NDRG3: variants seen among roughly 807,000 people sequenced by gnomAD.
NDRG3 encodes the protein NDRG family member 3.
Under a neutral mutation model 57.2 loss-of-function variants are expected in NDRG3, and 23 were observed. The observed-to-expected ratio is 0.40, with a 90% CI of 0.29 to 0.57. The LOEUF is 0.57. NDRG3 is among the 20% of genes least tolerant of loss of function. The probability of loss-of-function intolerance (pLI) is 0.42; values close to 1 mark genes in which losing one functional copy is unlikely to be tolerated. For missense variants in NDRG3, 384 were observed against 457.3 expected, an observed-to-expected ratio of 0.84 and a Z score of 1.46; for synonymous variants, 132 against 162.6, an observed-to-expected ratio of 0.81 and a Z score of 1.43.
At chr20:36,694,745 TTTTATTTA>T (rs373979225) in intron 3 of NDRG3, among the ~76,000 whole-genome samples, 2 of 152,002 alleles carry the variant, frequency 1.3e-5, no homozygotes, top group African/African-American at 4.8e-5. Flanking sequence ...TTTCAAGGCC[TTTTATTTA>T]TTTATTTATT....
At chr20:36,734,042 C>A (rs1228858184) in intron 1 of NDRG3, among the ~76,000 whole-genome samples, 4 of 152,170 alleles carry the variant, frequency 2.6e-5, no homozygotes, top group Non-Finnish European at 5.9e-5. Context: ...TGGCTACCAA[C>A]AGACATGAAG....
chr20:36,685,795 G>A (rs1981734899), intron 5 of NDRG3, among the ~76,000 whole-genome samples: 1 of 152,144 alleles, frequency 6.6e-6, no homozygotes, highest in African/African-American at 2.4e-5. Flanking sequence ...GATTGCTCAA[G>A]CCCAGGAGTT....
chr20:36,681,898 A>G (rs995047438), intron 7 of NDRG3, among the ~76,000 whole-genome samples: 4 of 151,804 alleles, frequency 2.6e-5, no homozygotes, highest in African/African-American at 9.7e-5. Flanking sequence ...GGGTTTCACC[A>G]TGTTGGCCAG....
chr20:36,721,255 G>C (rs1252528393), intron 2 of NDRG3, among the ~76,000 whole-genome samples: 3 of 151,310 alleles, frequency 2.0e-5, no homozygotes, highest in African/African-American at 7.3e-5. Context: ...TTTTGGCCTG[G>C]CACAGTGGCT....
chr20:36,680,747 A>G (rs1451776765), intron 8 of NDRG3, 69 bp downstream of exon 8: 9 of 1,239,580 alleles, frequency 7.3e-6, no homozygotes, highest in Admixed American at 1.7e-5. Flanking sequence ...ATATACCTCA[A>G]TGAAAAACTG....
Position 36,689,571 on chromosome 20 carries a change from G to A in NDRG3, c.94-787C>T, listed in dbSNP as rs1276363109. Among the ~76,000 whole-genome samples the A allele has an allele frequency of 2.0e-5, 3 of 152,188 alleles. No individual in the cohort carries two copies. The East Asian group carries it at 5.8e-4, about 29-fold the overall frequency. Reference sequence around the variant, plus strand: ...CTGCCTAGGATCCCTTCTTTCCTGGGAGCTGTCCTTCTGTGTCATCCACAC... The same window carrying A: ...CTGCCTAGGATCCCTTCTTTCCTGGAAGCTGTCCTTCTGTGTCATCCACAC... On this transcript the variant is annotated intron_variant, in intron 3 of 15. Transcript: ENST00000349004.
chr20:36,718,419 A>G (rs373738959), intron 2 of NDRG3, among the ~76,000 whole-genome samples: 13 of 152,340 alleles, frequency 8.5e-5, no homozygotes, highest in African/African-American at 3.1e-4. Flanking sequence ...GGCCTATCAA[A>G]GAGGAGCAGA....
At chr20:36,684,367 T>C (rs749981184) in intron 6 of NDRG3, 46 bp downstream of exon 6, 22 of 1,482,838 alleles carry the variant, frequency 1.5e-5, no homozygotes, top group Middle Eastern at 1.7e-4. Context: ...TAATTCACCA[T>C]AGAAAGTCAA....
chr20:36,732,562 G>C (rs970105828), intron 1 of NDRG3, among the ~76,000 whole-genome samples: 1 of 152,122 alleles, frequency 6.6e-6, no homozygotes, highest in Non-Finnish European at 1.5e-5. Context: ...GGAAAAGATT[G>C]GGCAGGATGA....
At chr20:36,706,517 G>A (rs1281077239) in intron 3 of NDRG3, among the ~76,000 whole-genome samples, 1 of 152,058 alleles carries the variant, frequency 6.6e-6, no homozygotes, top group Non-Finnish European at 1.5e-5. Flanking sequence ...TTGTTTGTTT[G>A]TTTTTGAGAT....
At chr20:36,719,321 G>T (rs1984452444) in intron 2 of NDRG3, among the ~76,000 whole-genome samples, 1 of 151,814 alleles carries the variant, frequency 6.6e-6, no homozygotes, top group Admixed American at 6.6e-5. Flanking sequence ...CAGCTACTTG[G>T]GAGGCTGAAG....
At chr20:36,692,950 C>T (rs1002051458) in intron 3 of NDRG3, among the ~76,000 whole-genome samples, 17 of 149,994 alleles carry the variant, frequency 1.1e-4, no homozygotes, top group Admixed American at 8.0e-4. Context: ...TGGCATGTGC[C>T]AGTAATCCCA....
intron 12 of NDRG3, among the ~76,000 whole-genome samples, chr20:36,663,022 T>C (rs1979336936): frequency 6.6e-6 from 1 of 152,224 alleles, no homozygotes; most frequent in Non-Finnish European, 1.5e-5. Flanking sequence ...GTATTAAGTA[T>C]ATATGTTCAT....
rs757162409 is a variant in NDRG3 at position 36,687,560 on chromosome 20, G to A, written c.252C>T (p.Thr84=). 4 of 1,613,886 alleles carry A rather than the reference G, an allele frequency of 2.5e-6. No individual in the cohort carries two copies. Among genetic ancestry groups the A allele is most frequent in the Non-Finnish European group, 3.4e-6 (4 of 1,179,962 alleles). ...CCACATGACAGACAGCAAAGTGCTG[G>A]GTGATCTCTTGCATATCCTCAAAGT... ...FFNFEDMQEI[T]QHFAVCHVDA... is the part of the protein sequence containing the mutation. The change falls in exon 5 of 16, where the codon ACC becomes ACT. Residue 84 remains threonine (T), a synonymous_variant. Transcript: ENST00000349004.
intron 13 of NDRG3, among the ~76,000 whole-genome samples, chr20:36,659,344 T>G (rs1978953482): frequency 6.6e-6 from 1 of 152,060 alleles, no homozygotes; most frequent in Admixed American, 6.6e-5. Flanking sequence ...CCCAGGCTGG[T>G]CTCAAACTCC....
At chr20:36,734,556 G>A (rs1237110166) in intron 1 of NDRG3, among the ~76,000 whole-genome samples, 1 of 152,102 alleles carries the variant, frequency 6.6e-6, no homozygotes, top group African/African-American at 2.4e-5. Context: ...AATTAAATAG[G>A]GGAGATAAGG....
At chr20:36,697,334 C>T (rs1350235057) in intron 3 of NDRG3, among the ~76,000 whole-genome samples, 1 of 152,148 alleles carries the variant, frequency 6.6e-6, no homozygotes, top group Non-Finnish European at 1.5e-5. Context: ...AATTCTGGTG[C>T]TCATTTCTCT....
intron 3 of NDRG3, among the ~76,000 whole-genome samples, chr20:36,693,129 T>C (rs1568647086): frequency 4.4e-5 from 3 of 68,150 alleles, no homozygotes; most frequent in South Asian, 5.0e-4. Context: ...TATATATATA[T>C]ATATATATAT....
rs1981409339 is a variant in NDRG3 at position 36,682,671 on chromosome 20, G to A, written c.384-93C>T. 5.7e-6 allele frequency: 6 copies of A among 1,057,858 alleles called. No individual in the cohort carries two copies. The East Asian group carries it at 1.2e-4, about 22-fold the overall frequency. The allele number at this position is 1,057,858 out of a possible 1,614,324, so 65.5% of individuals were successfully genotyped here. A position where few individuals can be genotyped will look rare whatever the true frequency, so the allele number is the denominator to read the frequency against. On this transcript the variant is annotated intron_variant, in intron 6 of 15. Transcript: ENST00000349004. ...AGCATACAACCTGGGTTGAAATCCT[G>A]GCTCTGATATTTATTAGATGTGAGA...
Sources: allele counts gnomAD v4.1 joint callset (sites outside exome capture counted in the v4.1 genomes callset), GRCh38; gene constraint gnomAD v4.1.1; transcripts MANE v1.5; gene names NCBI Gene and HGNC (gene_info 2026-07-23, HGNC 2026-07-21).